The following SLC22A23 variants were observed in gnomAD, a reference collection of about 807,000 sequenced individuals.
SLC22A23 encodes the protein solute carrier family 22 member 23.
A neutral mutation model predicts 61.0 loss-of-function variants in SLC22A23; 26 were observed. That is an observed-to-expected ratio of 0.43 (90% CI 0.31 to 0.59). The LOEUF is 0.59. SLC22A23 is among the 20% of genes least tolerant of loss of function. The pLI is 0.11. For synonymous variants in SLC22A23, 430 were observed against 413.9 expected, an observed-to-expected ratio of 1.04 and a Z score of -0.47; for missense variants, 796 against 934.7, an observed-to-expected ratio of 0.85 and a Z score of 1.94.
chr6:3,347,158 G>A (rs967160011), intron 3 of SLC22A23, among the ~76,000 whole-genome samples: 12 of 152,156 alleles, frequency 7.9e-5, no homozygotes, highest in Non-Finnish European at 1.3e-4. Context: ...GTGAGTGCCC[G>A]AAGTTTGACC....
Position 3,308,505 on chromosome 6 carries a change from A to G in SLC22A23, c.1083-10287T>C, listed in dbSNP as rs1301998953. On this transcript the variant is annotated intron_variant, in intron 4 of 9. Transcript: ENST00000406686. The surrounding 1 kb of genome is among the most constrained non-coding windows in gnomAD (Gnocchi z 5.1). ...AGAGACAGTTCCCCCAGGTGTGGAC[A>G]GTGGCTCTTCTCCTGAGGTCTTGAA... is the stretch of plus-strand genomic sequence containing the variant. Among the ~76,000 whole-genome samples, 1 of 152,238 alleles carries G rather than the reference A, an allele frequency of 6.6e-6. No homozygotes were observed. Among genetic ancestry groups the G allele is most frequent in the Non-Finnish European group, 1.5e-5 (1 of 68,046 alleles).
In SLC22A23 at chr6:3,410,601, A is replaced by T. The variant is rs1317275358; in HGVS notation, c.759-259T>A. Reference sequence around the variant, plus strand: ...GTAAGAGAATTCAGACTTGAGCCCAATTCCTGTTGCTGAGTCTATTTCTGA... The same window carrying T: ...GTAAGAGAATTCAGACTTGAGCCCATTTCCTGTTGCTGAGTCTATTTCTGA... On this transcript the variant is annotated intron_variant, in intron 2 of 9. Coordinates refer to ENST00000406686, the MANE Select transcript of SLC22A23 (RefSeq NM_015482.2). This position sits in a 1 kb window ranked among gnomAD's most constrained non-coding sequence, Gnocchi z 5.0. Among the ~76,000 whole-genome samples, 1 of 152,170 alleles carries T rather than the reference A, an allele frequency of 6.6e-6. No homozygotes were observed. Among genetic ancestry groups the T allele is most frequent in the East Asian group, 1.9e-4 (1 of 5,200 alleles).
intron 9 of SLC22A23, among the ~76,000 whole-genome samples, chr6:3,283,284 TA>T (rs1759648853): frequency 6.6e-6 from 1 of 152,016 alleles, no homozygotes; most frequent in Non-Finnish European, 1.5e-5. Context: ...ATGTAAAAAT[TA>T]GCCGGGCGTG....
At chr6:3,374,890 C>T (rs921267495) in intron 3 of SLC22A23, among the ~76,000 whole-genome samples, 3 of 152,142 alleles carry the variant, frequency 2.0e-5, no homozygotes, top group Non-Finnish European at 4.4e-5. Context: ...TTTTAGGATT[C>T]TAATAGACTC....
intron 3 of SLC22A23, among the ~76,000 whole-genome samples, chr6:3,355,719 G>A (rs1765029307): frequency 6.6e-6 from 1 of 151,638 alleles, no homozygotes; most frequent in Non-Finnish European, 1.5e-5. Flanking sequence ...CTCAATTTCT[G>A]GCTCATCTAC....
intron 4 of SLC22A23, among the ~76,000 whole-genome samples, chr6:3,307,599 G>C (rs971321839): frequency 6.6e-6 from 1 of 152,240 alleles, no homozygotes; most frequent in African/African-American, 2.4e-5. Context: ...GGCCCTGCTG[G>C]CGTCCAATAT....
chr6:3,344,986 C>A (rs1302605353), intron 3 of SLC22A23, among the ~76,000 whole-genome samples: 4 of 152,198 alleles, frequency 2.6e-5, no homozygotes, highest in African/African-American at 9.7e-5. Context: ...AGCAAACTTC[C>A]TTTATACAAA....
At chr6:3,336,223 C>T (rs796696728) in intron 3 of SLC22A23, among the ~76,000 whole-genome samples, 8 of 152,304 alleles carry the variant, frequency 5.3e-5, no homozygotes, top group African/African-American at 1.9e-4. Context: ...AGGTGGGAGG[C>T]TGCGAGTCAG....
At chr6:3,381,603 C>A (rs557683045) in intron 3 of SLC22A23, among the ~76,000 whole-genome samples, 1 of 152,316 alleles carries the variant, frequency 6.6e-6, no homozygotes, top group South Asian at 2.1e-4. Context: ...CCAATCCCAG[C>A]TCTACAGCCT....
At position 3,414,829 on chromosome 6, in the gene SLC22A23, T is replaced by C. The variant is rs916442056; in HGVS notation, c.758+923A>G. ...GCAATCTCGCTACTTGAAAAACCTG[T>C]CAACATTGTGCAACTGCCTCCCTGC... On this transcript the variant is annotated intron_variant, in intron 2 of 9. Transcript: ENST00000406686. This position sits in a 1 kb window ranked among gnomAD's most constrained non-coding sequence, Gnocchi z 5.1. Among the ~76,000 whole-genome samples the C allele has an allele frequency of 6.6e-6, 1 of 151,862 alleles. No individual in the cohort carries two copies. The highest frequency in any genetic ancestry group is 1.5e-5 in the Non-Finnish European group (1 of 67,998).
chr6:3,324,068 C>A lies in SLC22A23; in HGVS notation c.914-66G>T. ...TCGACAGCCCGAGAAGTCCTGGGTG[C>A]ACCTGGGCCAGTGCACTGCTTAACC... On this transcript the variant is annotated intron_variant, in intron 3 of 9. Coordinates refer to ENST00000406686, the MANE Select transcript of SLC22A23 (RefSeq NM_015482.2). This position sits in a 1 kb window ranked among gnomAD's most constrained non-coding sequence, Gnocchi z 4.3. The A allele has an allele frequency of 6.4e-7, 1 of 1,573,106 alleles. No homozygotes were observed. Among genetic ancestry groups the A allele is most frequent in the Non-Finnish European group, 8.7e-7 (1 of 1,152,158 alleles).
In SLC22A23 at chr6:3,428,023, A is replaced by T. The variant is rs200402939; in HGVS notation, c.655-12168T>A. On this transcript the variant is annotated intron_variant, in intron 1 of 9. Coordinates refer to ENST00000406686, the MANE Select transcript of SLC22A23 (RefSeq NM_015482.2). The stretch of plus-strand genomic sequence containing the variant: ...GCGGACTGAGAGGCAGCTCTCTAAG[A>T]GTTTCCTCAGATAGAACCTCAAAGC... Among the ~76,000 whole-genome samples the T allele has an allele frequency of 8.5e-5, 13 of 152,320 alleles. No homozygotes were observed. In the East Asian group the frequency reaches 2.5e-3, roughly 30 times the overall value.
rs187426227 is a variant in SLC22A23, at chr6:3,290,016, G to A, written c.1211-150C>T. The A allele has an allele frequency of 3.0e-3, 2,074 of 683,676 alleles. 14 individuals carry two copies. Among genetic ancestry groups the A allele is most frequent in the Non-Finnish European group, 3.7e-3 (1,457 of 392,790 alleles). 42.4% of individuals were successfully genotyped at this position (683,676 alleles called of 1,614,324 possible). ...TTTTTTTTTTTTGCCAGTGGATAGGGTCTAGGTTTCCAGGATAGAAAGGCA... is the reference window on the plus strand; with the variant it reads ...TTTTTTTTTTTTGCCAGTGGATAGGATCTAGGTTTCCAGGATAGAAAGGCA... On this transcript the variant is annotated intron_variant, in intron 5 of 9. Transcript: ENST00000406686.
Position 3,401,153 on chromosome 6 carries a change from C to T in SLC22A23, c.913+9035G>A, listed in dbSNP as rs1330990993. ...GGTAAGGAGTTTGAGACCAGCCTGG[C>T]CAACATGGCAAAACCCCGTCTCTAC... On this transcript the variant is annotated intron_variant, in intron 3 of 9. Transcript: ENST00000406686. Among the ~76,000 whole-genome samples the T allele has an allele frequency of 2.0e-5, 3 of 152,326 alleles. No individual in the cohort carries two copies. In the East Asian group the frequency reaches 5.8e-4, roughly 29 times the overall value.
intron 3 of SLC22A23, among the ~76,000 whole-genome samples, chr6:3,395,259 A>G (rs946257466): frequency 2.0e-5 from 3 of 152,180 alleles, no homozygotes; most frequent in African/African-American, 7.2e-5. Context: ...CTGGATTTAT[A>G]CGCACCAAAG....
chr6:3,375,482 A>G (rs974742474), intron 3 of SLC22A23, among the ~76,000 whole-genome samples: 1 of 152,232 alleles, frequency 6.6e-6, no homozygotes, highest in African/African-American at 2.4e-5. Context: ...GGTGCACTAC[A>G]GTGAGCTTTA....
rs747090476 is a variant in SLC22A23 at position 3,456,230 on chromosome 6, G to A, written c.330C>T (p.Ile110=). 30 of 1,551,464 alleles carry A rather than the reference G, an allele frequency of 1.9e-5. No individual in the cohort carries two copies. The highest frequency in any genetic ancestry group is 2.4e-5 in the Non-Finnish European group (28 of 1,146,864). The change falls in exon 1 of 10, where the codon ATC becomes ATT. Residue 110 remains isoleucine, a synonymous_variant. Coordinates refer to ENST00000406686, the MANE Select transcript of SLC22A23 (RefSeq NM_015482.2). This position sits in a 1 kb window ranked among gnomAD's most constrained non-coding sequence, Gnocchi z 7.1. ...VLLTWIPALF[I]GFSQFSDSFL... ...ACGAGTCCGAGAACTGGCTGAAGCCGATGAACAGCGCCGGGATCCAGGTGA... is the reference window on the plus strand; with the variant it reads ...ACGAGTCCGAGAACTGGCTGAAGCCAATGAACAGCGCCGGGATCCAGGTGA...
chr6:3,323,920 C>G lies in SLC22A23; in HGVS notation c.996G>C (p.Met332Ile). 6.2e-7 allele frequency: 1 copy of G among 1,614,234 alleles called. No individual in the cohort carries two copies. The highest frequency in any genetic ancestry group is 8.5e-7 in the Non-Finnish European group (1 of 1,180,046). The change falls in exon 4 of 10, where the codon ATG becomes ATC. Residue 332 changes from methionine (M) to isoleucine (I), a missense_variant. Coordinates refer to ENST00000406686, the MANE Select transcript of SLC22A23 (RefSeq NM_015482.2). Reference sequence around the variant, plus strand: ...CCCGGCACAGGGCGGCTAGCCCAGGCATGAGGAACTGGCCCGCCATGGCCA... The same window carrying G: ...CCCGGCACAGGGCGGCTAGCCCAGGGATGAGGAACTGGCCCGCCATGGCCA... ...SFVAMAGQFL[M>I]PGLAALCRDW...
chr6:3,277,940 C>G (rs1759064720), intron 9 of SLC22A23, among the ~76,000 whole-genome samples: 1 of 152,262 alleles, frequency 6.6e-6, no homozygotes, highest in African/African-American at 2.4e-5. Flanking sequence ...TGCCTTGTGA[C>G]TGTGGTCCCT....
Sources: allele counts gnomAD v4.1 joint callset (sites outside exome capture counted in the v4.1 genomes callset), GRCh38; gene constraint gnomAD v4.1.1; non-coding constraint Gnocchi (gnomAD v3.1); transcripts MANE v1.5; gene names NCBI Gene and HGNC (gene_info 2026-07-23, HGNC 2026-07-21).